Variants in UBE2E3 observed in about 807,000 individuals in gnomAD.
The protein encoded by UBE2E3 is ubiquitin conjugating enzyme E2 E3.
In UBE2E3, 5 loss-of-function variants were observed where a neutral mutation model predicts 23.6. The ratio of observed to expected loss-of-function variants is 0.21; its 90% CI spans 0.11 to 0.44. The LOEUF (loss-of-function observed/expected upper bound fraction) is 0.44, where lower values mean the gene tolerates loss of function less well. Among genes scored for constraint, UBE2E3 ranks in the 20% least tolerant of loss-of-function variants. The pLI is 0.99. For synonymous variants in UBE2E3, 78 were observed against 87.5 expected (o/e 0.89, Z 0.60); for missense variants, 81 against 249.8 (o/e 0.32, Z 4.55).
chr2:181,061,081 T>C (rs978415315), intron 5 of UBE2E3, among the ~76,000 whole-genome samples: 2 of 151,314 alleles, frequency 1.3e-5, no homozygotes, highest in Non-Finnish European at 3.0e-5. Context: ...TCTCTACTTT[T>C]AAAAGTATTT....
intron 3 of UBE2E3, among the ~76,000 whole-genome samples, chr2:181,028,400 AGTAAATTCTTTCATT>A (rs2105640779): frequency 6.6e-6 from 1 of 152,208 alleles, no homozygotes; most frequent in South Asian, 2.1e-4. Context: ...GTAATATGTG[AGTAAATTCTTTCATT>A]GTATATCTAA....
At chr2:181,015,804 A>G (rs1685468098) in intron 3 of UBE2E3, among the ~76,000 whole-genome samples, 1 of 152,278 alleles carries the variant, frequency 6.6e-6, no homozygotes, top group African/African-American at 2.4e-5. Context: ...AAATGATTAC[A>G]TGGTCCTTGT....
intron 4 of UBE2E3, among the ~76,000 whole-genome samples, chr2:181,058,524 A>G (rs1332066998): frequency 6.6e-6 from 1 of 151,734 alleles, no homozygotes; most frequent in African/African-American, 2.4e-5. Context: ...GTCAGCAGGT[A>G]AAAACCACTG....
At chr2:181,046,941 A>T (rs1239746069) in intron 3 of UBE2E3, among the ~76,000 whole-genome samples, 1 of 152,104 alleles carries the variant, frequency 6.6e-6, no homozygotes, top group Non-Finnish European at 1.5e-5. Flanking sequence ...AACTATTCAG[A>T]GTAGAAAGAG....
intron 3 of UBE2E3, among the ~76,000 whole-genome samples, chr2:181,018,340 T>A (rs536275029): frequency 1.3e-5 from 2 of 150,810 alleles, no homozygotes; most frequent in African/African-American, 4.9e-5. Context: ...TGTTTACACA[T>A]GTGTTTAATA....
chr2:181,034,940 G>A, intron 3 of UBE2E3, among the ~76,000 whole-genome samples: 1 of 152,248 alleles, frequency 6.6e-6, no homozygotes, highest in Middle Eastern at 3.4e-3. Context: ...GGGAAGATTA[G>A]TTTGATACTT....
intron 3 of UBE2E3, among the ~76,000 whole-genome samples, chr2:180,995,788 T>A (rs946938189): frequency 2.6e-5 from 4 of 152,044 alleles, no homozygotes; most frequent in Middle Eastern, 3.4e-3. Context: ...GTTTGTTTTG[T>A]TTTAACGAAA....
intron 3 of UBE2E3, among the ~76,000 whole-genome samples, chr2:181,012,632 T>C (rs1301247450): frequency 6.6e-6 from 1 of 152,216 alleles, no homozygotes; most frequent in Non-Finnish European, 1.5e-5. Flanking sequence ...TTGGAATGTC[T>C]GACTGAGTAA....
intron 3 of UBE2E3, among the ~76,000 whole-genome samples, chr2:181,021,574 C>CCTT (rs1685686416): frequency 9.9e-4 from 36 of 36,266 alleles, no homozygotes; most frequent in East Asian, 2.9e-3. Context: ...CTTCCTTCCT[C>CCTT]CCTCCCTCCC....
chr2:181,042,594 C>T (rs1211787762), intron 3 of UBE2E3, among the ~76,000 whole-genome samples: 1 of 152,108 alleles, frequency 6.6e-6, no homozygotes, highest in Non-Finnish European at 1.5e-5. Context: ...AACTGGAAGT[C>T]ATGGAACAGG....
chr2:180,982,028 G>C lies in UBE2E3; in HGVS notation c.-15G>C, dbSNP rs1574150002. 1 of 1,597,958 alleles carries C rather than the reference G, an allele frequency of 6.3e-7. No individual in the cohort carries two copies. The highest frequency in any genetic ancestry group is 2.2e-5 in the East Asian group (1 of 44,676). ...TGTTCTCTTTAAAAGTTTTCCAAGA[G>C]ATAACTTCACCAAGATGTCCAGTGA... On this transcript the variant is annotated 5_prime_UTR_variant, in exon 2 of 6. Transcript: ENST00000410062.
At chr2:181,024,137 C>G (rs927434326) in intron 3 of UBE2E3, among the ~76,000 whole-genome samples, 1 of 152,040 alleles carries the variant, frequency 6.6e-6, no homozygotes, top group Admixed American at 6.6e-5. Flanking sequence ...GCCAAAAGTT[C>G]ATATGAAGAC....
intron 3 of UBE2E3, among the ~76,000 whole-genome samples, chr2:181,012,192 A>G (rs1341112020): frequency 6.6e-6 from 1 of 152,164 alleles, no homozygotes; most frequent in Non-Finnish European, 1.5e-5. Context: ...TCTTGCGTCA[A>G]CACTTACTAC....
intron 3 of UBE2E3, among the ~76,000 whole-genome samples, chr2:180,993,758 C>T (rs1408804340): frequency 3.3e-5 from 5 of 152,000 alleles, no homozygotes; most frequent in South Asian, 2.1e-4. Flanking sequence ...TTCAGGGTCC[C>T]GAAGAGAATC....
intron 3 of UBE2E3, among the ~76,000 whole-genome samples, chr2:180,989,718 A>AT (rs1684597599): frequency 2.6e-5 from 4 of 152,204 alleles, no homozygotes; most frequent in African/African-American, 4.8e-5. Context: ...AGATAATGTA[A>AT]TTAGAAGGTG....
chr2:180,994,120 T>A (rs752863411), intron 3 of UBE2E3, among the ~76,000 whole-genome samples: 11 of 152,294 alleles, frequency 7.2e-5, no homozygotes, highest in African/African-American at 9.6e-5. Flanking sequence ...CTTGTAAAAT[T>A]TTAAAAGACA....
chr2:181,023,696 A>G lies in UBE2E3; in HGVS notation c.246-33997A>G, dbSNP rs181998631. ...TATAGCAAAGGGGTTGAGAGCATGGACTCTATCTTGGTACCATCACTTACC... is the reference window on the plus strand; with the variant it reads ...TATAGCAAAGGGGTTGAGAGCATGGGCTCTATCTTGGTACCATCACTTACC... On this transcript the variant is annotated intron_variant, in intron 3 of 5. Transcript: ENST00000410062. 3.9e-5 allele frequency among the ~76,000 whole-genome samples: 6 copies of G among 152,154 alleles called. No homozygotes were observed. The East Asian group carries it at 1.2e-3, about 29-fold the overall frequency.
intron 3 of UBE2E3, among the ~76,000 whole-genome samples, chr2:181,001,892 GGCAA>G (rs1316550141): frequency 1.9e-4 from 29 of 152,136 alleles, no homozygotes; most frequent in Non-Finnish European, 2.9e-5. Context: ...CATCTAAAAT[GGCAA>G]GACTGTCTTT....
intron 3 of UBE2E3, among the ~76,000 whole-genome samples, chr2:180,988,002 T>A (rs1421778106): frequency 6.6e-6 from 1 of 152,192 alleles, no homozygotes; most frequent in Non-Finnish European, 1.5e-5. Context: ...AGATCCATGC[T>A]CTGTCACTAA....
Sources: allele counts gnomAD v4.1 joint callset (sites outside exome capture counted in the v4.1 genomes callset), GRCh38; gene constraint gnomAD v4.1.1; transcripts MANE v1.5; gene names NCBI Gene and HGNC (gene_info 2026-07-23, HGNC 2026-07-21).